The following CPEB1 variants were observed in gnomAD, a reference collection of about 807,000 sequenced individuals.
CPEB1 encodes cytoplasmic polyadenylation element binding protein 1.
A neutral mutation model predicts 65.8 loss-of-function variants in CPEB1; 7 were observed. That is an observed-to-expected ratio of 0.11 (90% CI 0.06 to 0.20). The LOEUF (loss-of-function observed/expected upper bound fraction) is 0.20. Among genes scored for constraint, CPEB1 ranks in the 10% least tolerant of loss-of-function variants. The probability of loss-of-function intolerance (pLI) is 1.00; values close to 1 mark genes in which losing one functional copy is unlikely to be tolerated. For synonymous variants in CPEB1, 262 were observed against 260.0 expected, an observed-to-expected ratio of 1.01 and a Z score of -0.08; for missense variants, 551 against 712.2, an observed-to-expected ratio of 0.77 and a Z score of 2.58.
intron 4 of CPEB1, among the ~76,000 whole-genome samples, chr15:82,565,708 C>T (rs2039005218): frequency 6.6e-6 from 1 of 152,176 alleles, no homozygotes; most frequent in African/African-American, 2.4e-5. Context: ...AGTCAATCTC[C>T]AATAACGGCC....
At chr15:82,588,729 T>G (rs1317234601) in intron 3 of CPEB1, among the ~76,000 whole-genome samples, 1 of 152,226 alleles carries the variant, frequency 6.6e-6, no homozygotes, top group Admixed American at 6.5e-5. Flanking sequence ...TAGCTGTTGG[T>G]CAAAATTGAC....
At chr15:82,629,117 A>C in intron 1 of CPEB1, 11 of 211,656 alleles carry the variant, frequency 5.2e-5, no homozygotes, top group Non-Finnish European at 6.5e-5. Context: ...TTATGTCAAT[A>C]CAGCTGTTTA....
At chr15:82,569,201 T>C (rs2039637786) in intron 4 of CPEB1, among the ~76,000 whole-genome samples, 1 of 152,146 alleles carries the variant, frequency 6.6e-6, no homozygotes, top group Non-Finnish European at 1.5e-5. Context: ...AGCTGGCTGG[T>C]GGGAGGGCTG....
intron 3 of CPEB1, among the ~76,000 whole-genome samples, chr15:82,592,498 A>G (rs2042336601): frequency 6.6e-6 from 1 of 150,960 alleles, no homozygotes; most frequent in Middle Eastern, 3.2e-3. Flanking sequence ...GGATGGCTTG[A>G]GCCTGGGAGG....
chr15:82,557,896 A>G lies in CPEB1; in HGVS notation c.551T>C (p.Val184Ala). ...AACTGAGGGTGCTGGAAACTTGTCC[A>G]CCAAGTCAGACCCAAGGGGATCCAG... The part of the protein sequence containing the change: ...LPLDPLGSDL[V>A]DKFPAPSVRG... Residue 184 changes from valine (V) to alanine (A), a missense_variant, in exon 5 of 13, where the codon GTG (valine) becomes GCG (alanine). This residue lies in a region of CPEB1 where 223 missense variants were observed against 228.6 expected (regional missense o/e 0.98). Transcript: ENST00000684509. 6.2e-7 allele frequency: 1 copy of G among 1,614,138 alleles called. No homozygotes were observed. The highest frequency in any genetic ancestry group is 1.1e-5 in the South Asian group (1 of 91,070).
At chr15:82,549,415 C>A in intron 10 of CPEB1, 45 bp downstream of exon 10, 2 of 1,609,102 alleles carry the variant, frequency 1.2e-6, no homozygotes, top group Non-Finnish European at 1.7e-6. Flanking sequence ...TTGGTCTACT[C>A]CCAGGGGCCA....
intron 4 of CPEB1, among the ~76,000 whole-genome samples, chr15:82,567,287 C>T (rs1055868080): frequency 2.6e-5 from 4 of 152,134 alleles, no homozygotes; most frequent in African/African-American, 7.2e-5. Context: ...CAATGGGGAG[C>T]CTGCAAGTGA....
At chr15:82,556,874 CA>C (rs1486535111) in intron 5 of CPEB1, among the ~76,000 whole-genome samples, 4 of 152,172 alleles carry the variant, frequency 2.6e-5, no homozygotes, top group Non-Finnish European at 2.9e-5. Flanking sequence ...CGCCAACTTC[CA>C]TATTCTAGGA....
chr15:82,552,670 C>T (rs1399406747), intron 8 of CPEB1, 54 bp from the exon 9 acceptor site: 4 of 1,590,818 alleles, frequency 2.5e-6, no homozygotes, highest in Non-Finnish European at 3.4e-6. Context: ...GGCCACTCCT[C>T]AGCCTTGGCT....
intron 3 of CPEB1, among the ~76,000 whole-genome samples, chr15:82,609,629 G>C (rs971681056): frequency 4.0e-5 from 6 of 148,152 alleles, no homozygotes; most frequent in Non-Finnish European, 8.9e-5. Context: ...ATAATGTCTA[G>C]AAAAACTATA....
chr15:82,597,854 A>C (rs1352847645), intron 3 of CPEB1, among the ~76,000 whole-genome samples: 2 of 152,228 alleles, frequency 1.3e-5, no homozygotes, highest in Non-Finnish European at 2.9e-5. Flanking sequence ...GATGGATTCA[A>C]AGTGGAAGGA....
intron 1 of CPEB1, among the ~76,000 whole-genome samples, chr15:82,646,575 C>T (rs1453890065): frequency 3.3e-5 from 5 of 152,192 alleles, no homozygotes; most frequent in African/African-American, 1.2e-4. Context: ...TGCAAGGGGC[C>T]AGGGCTGCAG....
At chr15:82,550,478 C>A (rs1186109099) in intron 9 of CPEB1, among the ~76,000 whole-genome samples, 1 of 152,176 alleles carries the variant, frequency 6.6e-6, no homozygotes, top group African/African-American at 2.4e-5. Flanking sequence ...ACAGAAGAGT[C>A]TGCAGTACTC....
At chr15:82,611,366 G>C (rs771898115) in intron 3 of CPEB1, among the ~76,000 whole-genome samples, 1 of 152,042 alleles carries the variant, frequency 6.6e-6, no homozygotes, top group East Asian at 1.9e-4. Flanking sequence ...TGAATAAATT[G>C]CAAGACTTGG....
intron 1 of CPEB1, among the ~76,000 whole-genome samples, chr15:82,634,950 T>C (rs2046540906): frequency 6.6e-6 from 1 of 152,070 alleles, no homozygotes; most frequent in Non-Finnish European, 1.5e-5. Context: ...ACCTCCTGGG[T>C]TCAAGCAATT....
chr15:82,544,420 G>T lies in CPEB1; in HGVS notation c.*172C>A. The T allele has an allele frequency of 1.8e-6, 1 of 560,006 alleles. No homozygotes were observed. 34.7% of individuals were successfully genotyped at this position (560,006 alleles called of 1,614,324 possible). On this transcript the variant is annotated 3_prime_UTR_variant, in exon 13 of 13. Coordinates refer to ENST00000684509, the MANE Select transcript of CPEB1 (RefSeq NM_001365242.1). ...AAAACAAAACCTGACAAAACTCAAT[G>T]TGCATTAATTAGTGCAGAAACAAAG...
chr15:82,624,834 T>C (rs1363927241), intron 3 of CPEB1, among the ~76,000 whole-genome samples: 5 of 33,202 alleles, frequency 1.5e-4, no homozygotes, highest in Admixed American at 1.3e-3. Context: ...AGTGTCATAC[T>C]TTTTTTTTTT....
intron 3 of CPEB1, among the ~76,000 whole-genome samples, chr15:82,602,200 A>G (rs939797881): frequency 6.6e-6 from 1 of 152,228 alleles, no homozygotes; most frequent in Non-Finnish European, 1.5e-5. Flanking sequence ...ATTCATAACA[A>G]AAAGACAACT....
chr15:82,647,778 G>A, upstream of CPEB1: 4 of 1,206,760 alleles, frequency 3.3e-6, no homozygotes, highest in South Asian at 3.0e-5. Context: ...CCGCGGCGCC[G>A]GACCCGGCTG....
Sources: gnomAD v4.1 joint callset for allele counts (sites outside exome capture counted in the v4.1 genomes callset) on GRCh38, gnomAD v4.1.1 for gene constraint, gnomAD v4.1.1 regional missense constraint, MANE v1.5 for transcripts, NCBI Gene and HGNC (gene_info 2026-07-23, HGNC 2026-07-21) for gene names.